The following P2RX4 variants were observed in gnomAD, a reference collection of about 807,000 sequenced individuals.
P2RX4 encodes P2X purinoceptor 4.
Under a neutral mutation model 48.0 loss-of-function variants are expected in P2RX4, and 37 were observed. That is an observed-to-expected ratio of 0.77 (90% CI 0.59 to 1.01). The LOEUF is 1.01. Ranked by LOEUF, P2RX4 falls within the 50% of genes least tolerant of loss-of-function variation. P2RX4 has a pLI of 0.00. For synonymous variants in P2RX4, 200 were observed against 199.7 expected, an observed-to-expected ratio of 1.00 and a Z score of -0.01; for missense variants, 501 against 521.4, an observed-to-expected ratio of 0.96 and a Z score of 0.38.
chr12:121,223,432 G>C, intron 5 of P2RX4: 2 of 282,234 alleles, frequency 7.1e-6, no homozygotes, highest in Non-Finnish European at 1.4e-5. Flanking sequence ...GCCTTGAACA[G>C]AGGTGGTCAA....
Position 121,229,216 on chromosome 12 carries a change from C to T in P2RX4, c.884+117C>T, listed in dbSNP as rs1887193079. On this transcript the variant is annotated intron_variant, in intron 8 of 11. Coordinates refer to ENST00000337233, the MANE Select transcript of P2RX4 (RefSeq NM_002560.3). This position sits in a 1 kb window ranked among gnomAD's most constrained non-coding sequence, Gnocchi z 4.6. ...AGGCAGCACCCCAAGGGCAGGCTGC[C>T]GGTCCCCCGTCCAAGGCGGCGGGAA... 18 of 1,287,454 alleles carry T rather than the reference C, an allele frequency of 1.4e-5. No individual in the cohort carries two copies. The highest frequency in any genetic ancestry group is 4.4e-5 in the African/African-American group (3 of 68,830). 79.8% of individuals were successfully genotyped at this position (1,287,454 alleles called of 1,614,324 possible). A position where few individuals can be genotyped will look rare whatever the true frequency, so the allele number is the denominator to read the frequency against.
At chr12:121,219,968 G>A (rs902019288) in intron 2 of P2RX4, among the ~76,000 whole-genome samples, 4 of 152,110 alleles carry the variant, frequency 2.6e-5, no homozygotes, top group African/African-American at 4.8e-5. Flanking sequence ...CCTTATATGA[G>A]GAGGTCATTA....
In P2RX4 at chr12:121,210,271, A is replaced by C. The variant is rs997030284; in HGVS notation, c.107A>C (p.Gln36Pro). ...GTGGGGCTCATGAACCGCGCCGTGC[A>C]ACTGCTCATCCTGGCCTACGTCATC... The part of the protein sequence containing the change: ...RKVGLMNRAV[Q>P]LLILAYVIGW... Residue 36 changes from glutamine (Q) to proline (P), a missense_variant, in exon 1 of 12, where the codon CAA becomes CCA. Physicochemically the swap from Gln to Pro is moderately conservative, Grantham distance 76. Transcript: ENST00000337233. 7 of 1,555,752 alleles carry C rather than the reference A, an allele frequency of 4.5e-6. No homozygotes were observed. Among genetic ancestry groups the C allele is most frequent in the Non-Finnish European group, 5.2e-6 (6 of 1,155,744 alleles).
In P2RX4 at chr12:121,232,151, G is replaced by A. The variant is rs1297763294; in HGVS notation, c.885-263G>A. 6.6e-6 allele frequency among the ~76,000 whole-genome samples: 1 copy of A among 152,130 alleles called. No homozygotes were observed. The highest frequency in any genetic ancestry group is 1.5e-5 in the Non-Finnish European group (1 of 68,026). Reference sequence around the variant, plus strand: ...GAGGCAGGCAGGATGTACCAGGTGGGATGTTGAGAGCAAACTGTTCAGGTT... The same window carrying A: ...GAGGCAGGCAGGATGTACCAGGTGGAATGTTGAGAGCAAACTGTTCAGGTT... On this transcript the variant is annotated intron_variant, in intron 8 of 11. Transcript: ENST00000337233. This position sits in a 1 kb window ranked among gnomAD's most constrained non-coding sequence, Gnocchi z 4.3.
At position 121,216,927 on chromosome 12, in the gene P2RX4, A is replaced by G. The variant is rs745554927; in HGVS notation, c.135-207A>G. On this transcript the variant is annotated intron_variant, in intron 1 of 11. Coordinates refer to ENST00000337233, the MANE Select transcript of P2RX4 (RefSeq NM_002560.3). Reference sequence around the variant, plus strand: ...GTGCTTTACCTGCACCATCTCATTTATTTCCCGCAAACCCTCCTGTGGTTT... The same window carrying G: ...GTGCTTTACCTGCACCATCTCATTTGTTTCCCGCAAACCCTCCTGTGGTTT... The G allele has an allele frequency of 1.7e-5, 12 of 706,462 alleles. No individual in the cohort carries two copies. In the African/African-American group the frequency reaches 1.7e-4, roughly 10 times the overall value. 43.8% of individuals were successfully genotyped at this position (706,462 alleles called of 1,614,324 possible). A position where few individuals can be genotyped will look rare whatever the true frequency, so the allele number is the denominator to read the frequency against.
rs1169719 is a variant in P2RX4 at position 121,233,310 on chromosome 12, G to A, written c.1141-213G>A. ...TTTAAACCCAGCCTCGTTTCAATGA[G>A]CGACATCTCAGGTTGGTGATGATAA... On this transcript the variant is annotated intron_variant, in intron 11 of 11. Transcript: ENST00000337233. 2,777 of 641,040 alleles carry A rather than the reference G, an allele frequency of 4.3e-3. 57 individuals are homozygous for A. The African/African-American group carries it at 0.044, about 10-fold the overall frequency. The allele number at this position is 641,040 out of a possible 1,614,324, so 39.7% of individuals were successfully genotyped here. A position where few individuals can be genotyped will look rare whatever the true frequency, so the allele number is the denominator to read the frequency against.
At position 121,222,076 on chromosome 12, in the gene P2RX4, C is replaced by A; in HGVS notation, c.355-18C>A. On this transcript the variant is annotated intron_variant, in intron 3 of 11. Coordinates refer to ENST00000337233, the MANE Select transcript of P2RX4 (RefSeq NM_002560.3). ...GGCCGGGCCACGTGGACTTTCTTTT[C>A]GCTCCTTCTTTTTCCAGATTCCAGA... The A allele has an allele frequency of 6.2e-7, 1 of 1,612,164 alleles. No individual in the cohort carries two copies. The highest frequency in any genetic ancestry group is 2.2e-5 in the East Asian group (1 of 44,870).
At chr12:121,226,595 C>T (rs542290776) in intron 5 of P2RX4, among the ~76,000 whole-genome samples, 190 of 152,254 alleles carry the variant, frequency 1.2e-3, no homozygotes, top group African/African-American at 4.5e-3. Flanking sequence ...GTGATGATTG[C>T]ACAACATTAT....
At position 121,229,210 on chromosome 12, in the gene P2RX4, G is replaced by C; in HGVS notation, c.884+111G>C. The C allele has an allele frequency of 1.5e-6, 2 of 1,334,286 alleles. No homozygotes were observed. Among genetic ancestry groups the C allele is most frequent in the Non-Finnish European group, 2.1e-6 (2 of 940,138 alleles). 82.7% of individuals were successfully genotyped at this position (1,334,286 alleles called of 1,614,324 possible). A position where few individuals can be genotyped will look rare whatever the true frequency, so the allele number is the denominator to read the frequency against. On this transcript the variant is annotated intron_variant, in intron 8 of 11. Transcript: ENST00000337233. This position sits in a 1 kb window ranked among gnomAD's most constrained non-coding sequence, Gnocchi z 4.6. ...GCACTCAGGCAGCACCCCAAGGGCA[G>C]GCTGCCGGTCCCCCGTCCAAGGCGG...
rs1566013271 is a variant in P2RX4, at chr12:121,232,855, G to A, written c.1045-142G>A. 1.2e-6 allele frequency: 1 copy of A among 864,728 alleles called. No individual in the cohort carries two copies. The highest frequency in any genetic ancestry group is 2.0e-6 in the Non-Finnish European group (1 of 507,992). 53.6% of individuals were successfully genotyped at this position (864,728 alleles called of 1,614,324 possible). On this transcript the variant is annotated intron_variant, in intron 10 of 11. Coordinates refer to ENST00000337233, the MANE Select transcript of P2RX4 (RefSeq NM_002560.3). The surrounding 1 kb of genome is among the most constrained non-coding windows in gnomAD (Gnocchi z 4.3). ...CCTTCTCCAAGACCACCCCCCTCAG[G>A]TCCCAGCCTTCTCCCAAGAGATGGG...
At chr12:121,215,787 C>T in intron 1 of P2RX4, 1 of 152,314 alleles carries the variant, frequency 6.6e-6, no homozygotes, top group South Asian at 2.1e-4. Flanking sequence ...GATCTTCCCC[C>T]CTTGACCTCC....
rs1375816909 is a variant in P2RX4 at position 121,228,805 on chromosome 12, T to C, written c.686T>C (p.Ile229Thr). 6.8e-6 allele frequency: 11 copies of C among 1,614,066 alleles called. No individual in the cohort carries two copies. The highest frequency in any genetic ancestry group is 7.6e-6 in the Non-Finnish European group (9 of 1,180,036). Residue 229 changes from isoleucine to threonine, a missense_variant, in exon 7 of 12, where the codon ATA becomes ACA. By Grantham distance (89) the Ile-to-Thr change is moderately conservative. Transcript: ENST00000337233. Reference sequence around the variant, plus strand: ...GCTAAAACAGATCCCTTCTGCCCCATATTCCGTCTTGGCAAAATAGTGGAG... The same window carrying C: ...GCTAAAACAGATCCCTTCTGCCCCACATTCCGTCTTGGCAAAATAGTGGAG... ...YDAKTDPFCP[I>T]FRLGKIVENA...
rs542134432 is a variant in P2RX4, at chr12:121,222,050, G to C, written c.355-44G>C. The C allele has an allele frequency of 1.3e-5, 21 of 1,600,430 alleles. No individual in the cohort carries two copies. The South Asian group carries it at 2.1e-4, about 16-fold the overall frequency. ...CTCCACGCCTGTCCACCTGTGTGTG[G>C]GGCCGGGCCACGTGGACTTTCTTTT... On this transcript the variant is annotated intron_variant, in intron 3 of 11. Transcript: ENST00000337233.
At chr12:121,228,464 T>C (rs985945350) in intron 5 of P2RX4, 69 bp from the exon 6 acceptor site, 2 of 821,800 alleles carry the variant, frequency 2.4e-6, no homozygotes, top group South Asian at 3.2e-5. Context: ...TGTATATATA[T>C]ATATATAACA....
rs551041577 is a variant in P2RX4, at chr12:121,224,775, G to A, written c.524+1732G>A. Among the ~76,000 whole-genome samples the A allele has an allele frequency of 2.0e-4, 30 of 152,098 alleles. 1 individual carries two copies. In the South Asian group the frequency reaches 5.6e-3, roughly 29 times the overall value. On this transcript the variant is annotated intron_variant, in intron 5 of 11. Transcript: ENST00000337233. ...CGTGCAGCCTAGGGCCTTTCTCACCGAGAGCTCAGACCGAGGTCTCCATGA... is the reference window on the plus strand; with the variant it reads ...CGTGCAGCCTAGGGCCTTTCTCACCAAGAGCTCAGACCGAGGTCTCCATGA...
chr12:121,230,103 T>A (rs1047891873), intron 8 of P2RX4, among the ~76,000 whole-genome samples: 4 of 152,080 alleles, frequency 2.6e-5, no homozygotes, highest in African/African-American at 9.7e-5. Flanking sequence ...TCACAGTCCT[T>A]AAAAAGGAAG....
chr12:121,231,960 G>A (rs1458367883), intron 8 of P2RX4, among the ~76,000 whole-genome samples: 1 of 147,584 alleles, frequency 6.8e-6, no homozygotes, highest in Non-Finnish European at 1.5e-5. Context: ...AGCCAAGATT[G>A]GTGCCCCTAC....
chr12:121,233,312 G>A (rs370410309), intron 11 of P2RX4: 15 of 640,940 alleles, frequency 2.3e-5, no homozygotes, highest in Non-Finnish European at 3.1e-5. Context: ...TTCAATGAGC[G>A]ACATCTCAGG....
chr12:121,227,855 G>A (rs1025658406), intron 5 of P2RX4, among the ~76,000 whole-genome samples: 3 of 151,698 alleles, frequency 2.0e-5, no homozygotes, highest in Admixed American at 1.3e-4. Context: ...GGAGGCGGAG[G>A]TAGGAAGATT....
Sources: gnomAD v4.1 joint callset for allele counts (sites outside exome capture counted in the v4.1 genomes callset) on GRCh38, gnomAD v4.1.1 for gene constraint, Gnocchi (gnomAD v3.1) non-coding constraint, MANE v1.5 for transcripts, NCBI Gene and HGNC (gene_info 2026-07-23, HGNC 2026-07-21) for gene names.